The following C14orf132 variants were observed in gnomAD, a reference collection of about 807,000 sequenced individuals.
C14orf132 encodes uncharacterized protein C14orf132.
A neutral mutation model predicts 5.8 loss-of-function variants in C14orf132; 6 were observed. The observed-to-expected ratio is 1.03, with a 90% CI of 0.57 to 2.04. C14orf132 has a LOEUF of 2.04. C14orf132 is among the 30% of genes most tolerant of loss of function. The pLI, the probability that C14orf132 is intolerant of heterozygous loss-of-function variation, is 0.00. For missense variants in C14orf132, 125 were observed against 115.8 expected, an observed-to-expected ratio of 1.08 and a Z score of -0.37; for synonymous variants, 51 against 49.8, an observed-to-expected ratio of 1.02 and a Z score of -0.10.
intron 1 of C14orf132, among the ~76,000 whole-genome samples, chr14:96,064,473 T>G (rs893043426): frequency 2.6e-5 from 4 of 151,522 alleles, no homozygotes; most frequent in Admixed American, 2.6e-4. Flanking sequence ...TATATATATA[T>G]ATGATGGACT....
chr14:96,039,488 C>G lies in C14orf132; in HGVS notation c.-13C>G. ...GCAGCAGCGAGGACTCGAGCGCTGG[C>G]TGCAGCGACACCATGGATCTCTCCT... On this transcript the variant is annotated 5_prime_UTR_variant, in exon 1 of 2. Coordinates refer to ENST00000555004, the MANE Select transcript of C14orf132 (RefSeq NM_001252507.3). This position sits in a 1 kb window ranked among gnomAD's most constrained non-coding sequence, Gnocchi z 5.3. 1 of 1,498,704 alleles carries G rather than the reference C, an allele frequency of 6.7e-7. No individual in the cohort carries two copies. The highest frequency in any genetic ancestry group is 8.9e-7 in the Non-Finnish European group (1 of 1,127,044). The allele number at this position is 1,498,704 out of a possible 1,614,324, so 92.8% of individuals were successfully genotyped here.
chr14:96,072,307 C>T (rs770399685), intron 1 of C14orf132, among the ~76,000 whole-genome samples: 38 of 152,236 alleles, frequency 2.5e-4, no homozygotes, highest in Non-Finnish European at 4.9e-4. Context: ...GAGCTTGGGA[C>T]GTGGAGGCAG....
intron 1 of C14orf132, among the ~76,000 whole-genome samples, chr14:96,062,928 G>T (rs1887406198): frequency 6.6e-6 from 1 of 152,116 alleles, no homozygotes; most frequent in South Asian, 2.1e-4. Flanking sequence ...ACAAGCCACT[G>T]AGCATTTATT....
rs1400643581 is a variant in C14orf132, at chr14:96,093,078, T to G, written c.*6343T>G. 6.6e-6 allele frequency: 1 copy of G among 152,240 alleles called. No individual in the cohort carries two copies. Among genetic ancestry groups the G allele is most frequent in the East Asian group, 1.9e-4 (1 of 5,204 alleles). The allele number at this position is 152,240 out of a possible 1,614,324, so 9.4% of individuals were successfully genotyped here. ...CCCATTTGTGAGTCATTGAGTAAAT[T>G]AAAGCTCTTCTGAGCAGCAGCAGTG... On this transcript the variant is annotated 3_prime_UTR_variant, in exon 2 of 2. Coordinates refer to ENST00000555004, the MANE Select transcript of C14orf132 (RefSeq NM_001252507.3).
intron 1 of C14orf132, among the ~76,000 whole-genome samples, chr14:96,062,023 G>C (rs1054240228): frequency 6.6e-6 from 1 of 152,144 alleles, no homozygotes; most frequent in African/African-American, 2.4e-5. Flanking sequence ...TTCTATCTCA[G>C]TCACCACATT....
chr14:96,067,558 G>A (rs1407019758), intron 1 of C14orf132, among the ~76,000 whole-genome samples: 1 of 152,134 alleles, frequency 6.6e-6, no homozygotes, highest in Non-Finnish European at 1.5e-5. Flanking sequence ...AATTAGCTGG[G>A]CGTGGTGGTG....
chr14:96,072,970 T>C (rs1887755229), intron 1 of C14orf132, among the ~76,000 whole-genome samples: 1 of 152,166 alleles, frequency 6.6e-6, no homozygotes, highest in African/African-American at 2.4e-5. Flanking sequence ...TGAACACCAG[T>C]TTTTATTCCT....
intron 1 of C14orf132, among the ~76,000 whole-genome samples, chr14:96,065,333 G>A (rs1887500046): frequency 6.6e-6 from 1 of 152,104 alleles, no homozygotes. Context: ...TGGAGAATCT[G>A]GCCTTTTGTT....
intron 1 of C14orf132, among the ~76,000 whole-genome samples, chr14:96,040,748 CT>C (rs34675675): frequency 3.1e-4 from 46 of 146,702 alleles, no homozygotes; most frequent in African/African-American, 2.7e-4. Context: ...ATCGCTGGCC[CT>C]TTTTTTTTTG....
chr14:96,041,982 T>C (rs1886704989), intron 1 of C14orf132, among the ~76,000 whole-genome samples: 1 of 152,086 alleles, frequency 6.6e-6, no homozygotes, highest in African/African-American at 2.4e-5. Context: ...GGTCCTCAAG[T>C]ATTTATTAGA....
At chr14:96,041,465 T>C (rs571877965) in intron 1 of C14orf132, among the ~76,000 whole-genome samples, 1 of 152,362 alleles carries the variant, frequency 6.6e-6, no homozygotes, top group South Asian at 2.1e-4. Context: ...CGATGTAAGG[T>C]ACAGGACAGA....
intron 1 of C14orf132, among the ~76,000 whole-genome samples, chr14:96,045,525 G>A (rs1036048934): frequency 6.6e-6 from 1 of 152,184 alleles, no homozygotes; most frequent in South Asian, 2.1e-4. Flanking sequence ...ATGGAGTGGG[G>A]GCTGTGATGC....
At chr14:96,084,579 T>C (rs1392154000) in intron 1 of C14orf132, among the ~76,000 whole-genome samples, 2 of 152,270 alleles carry the variant, frequency 1.3e-5, no homozygotes, top group African/African-American at 2.4e-5. Context: ...AAAACTGTTG[T>C]AATATTCTTG....
At chr14:96,074,313 C>T (rs1025440769) in intron 1 of C14orf132, among the ~76,000 whole-genome samples, 1 of 152,296 alleles carries the variant, frequency 6.6e-6, no homozygotes, top group South Asian at 2.1e-4. Flanking sequence ...CAGCCTGTGG[C>T]TTGTCTTTTC....
intron 1 of C14orf132, among the ~76,000 whole-genome samples, chr14:96,052,322 G>A (rs1887052111): frequency 6.6e-6 from 1 of 152,248 alleles, no homozygotes; most frequent in Non-Finnish European, 1.5e-5. Context: ...CAGAGGTGGG[G>A]GTGGGGACCC....
intron 1 of C14orf132, among the ~76,000 whole-genome samples, chr14:96,041,693 G>C (rs1197979942): frequency 6.6e-6 from 1 of 152,230 alleles, no homozygotes. Context: ...GTGTGTGACA[G>C]TCACTGTCTC....
rs976869949 is a variant in C14orf132 at position 96,039,529 on chromosome 14, T to G, written c.27+2T>G. On this transcript the variant is annotated splice_donor_variant, in intron 1 of 1. Coordinates refer to ENST00000555004, the MANE Select transcript of C14orf132 (RefSeq NM_001252507.3). LOFTEE classifies it high-confidence loss of function. This position sits in a 1 kb window ranked among gnomAD's most constrained non-coding sequence, Gnocchi z 5.3. ...GATCTCTCCTTTATGGCCGCGCAGG[T>G]AACGGGGCGTCCCCCCCACGCGCCC... The G allele has an allele frequency of 6.7e-7, 1 of 1,502,332 alleles. No individual in the cohort carries two copies. Among genetic ancestry groups the G allele is most frequent in the African/African-American group, 1.4e-5 (1 of 69,976 alleles). 93.1% of individuals were successfully genotyped at this position (1,502,332 alleles called of 1,614,324 possible). A position where few individuals can be genotyped will look rare whatever the true frequency, so the allele number is the denominator to read the frequency against.
At position 96,090,828 on chromosome 14, in the gene C14orf132, C is replaced by T. The variant is rs773162188; in HGVS notation, c.*4093C>T. 63 of 455,922 alleles carry T rather than the reference C, an allele frequency of 1.4e-4. No individual in the cohort carries two copies. Among genetic ancestry groups the T allele is most frequent in the South Asian group, 4.8e-4 (31 of 64,566 alleles). 28.2% of individuals were successfully genotyped at this position (455,922 alleles called of 1,614,324 possible). On this transcript the variant is annotated 3_prime_UTR_variant, in exon 2 of 2. Coordinates refer to ENST00000555004, the MANE Select transcript of C14orf132 (RefSeq NM_001252507.3). ...TCTCCTGAAGTGGGTCCCTGGAGAC[C>T]GAAGAGGCTCAGTGGAGTCTGTCTG... is the stretch of plus-strand genomic sequence containing the variant.
At chr14:96,077,839 C>T (rs1304780334) in intron 1 of C14orf132, among the ~76,000 whole-genome samples, 4 of 152,236 alleles carry the variant, frequency 2.6e-5, no homozygotes, top group South Asian at 2.1e-4. Context: ...GGGTTAGTCT[C>T]GACATGGCAG....
Sources: gnomAD v4.1 joint callset for allele counts (sites outside exome capture counted in the v4.1 genomes callset) on GRCh38, gnomAD v4.1.1 for gene constraint, Gnocchi (gnomAD v3.1) non-coding constraint, MANE v1.5 for transcripts, NCBI Gene and HGNC (gene_info 2026-07-23, HGNC 2026-07-21) for gene names.